Variants in ITPR1 observed in about 807,000 individuals in gnomAD.
ITPR1 encodes the protein inositol 1,4,5-trisphosphate-gated calcium channel ITPR1.
In ITPR1, 96 loss-of-function variants were observed where a neutral mutation model predicts 318.4. The ratio of observed to expected loss-of-function variants is 0.30; its 90% CI spans 0.26 to 0.36. The LOEUF is 0.36. Among genes scored for constraint, ITPR1 ranks in the 10% least tolerant of loss-of-function variants. ITPR1 has a pLI of 1.00. For missense variants in ITPR1, 2,440 were observed against 3,460.2 expected (o/e 0.71, Z 7.40); for synonymous variants, 1,312 against 1,289.9 (o/e 1.02, Z -0.37).
At chr3:4,495,093 C>G (rs1382102942) in intron 2 of ITPR1, among the ~76,000 whole-genome samples, 1 of 152,126 alleles carries the variant, frequency 6.6e-6, no homozygotes, top group African/African-American at 2.4e-5. Flanking sequence ...TTTTGGGGCC[C>G]GTGGTGGAAT....
intron 12 of ITPR1, among the ~76,000 whole-genome samples, chr3:4,656,216 G>T (rs1414665010): frequency 6.6e-6 from 1 of 152,192 alleles, no homozygotes; most frequent in African/African-American, 2.4e-5. Flanking sequence ...CTGCCTCTCA[G>T]TCACTTTTCC....
intron 32 of ITPR1, among the ~76,000 whole-genome samples, chr3:4,692,030 C>G (rs1176362477): frequency 6.6e-6 from 1 of 151,914 alleles, no homozygotes; most frequent in Non-Finnish European, 1.5e-5. Context: ...GGCATGTGCC[C>G]ATAATCCCAG....
chr3:4,657,029 T>C (rs1481070606), intron 12 of ITPR1, among the ~76,000 whole-genome samples: 2 of 152,224 alleles, frequency 1.3e-5, no homozygotes, highest in Non-Finnish European at 2.9e-5. Flanking sequence ...TTTTCATCAT[T>C]GTTCCTCAGC....
chr3:4,814,996 C>T (rs940087879), intron 58 of ITPR1, 57 bp from the exon 59 acceptor site: 1 of 1,457,388 alleles, frequency 6.9e-7, no homozygotes, highest in South Asian at 1.4e-5. Flanking sequence ...GCCCCAGGCT[C>T]CGCAGACCAA....
At chr3:4,623,505 A>C (rs534749636) in intron 4 of ITPR1, among the ~76,000 whole-genome samples, 1 of 152,324 alleles carries the variant, frequency 6.6e-6, no homozygotes, top group African/African-American at 2.4e-5. Flanking sequence ...GTGTGCATGC[A>C]TGCATACGCA....
At chr3:4,720,299 C>G (rs535529178) in intron 40 of ITPR1, among the ~76,000 whole-genome samples, 1 of 152,288 alleles carries the variant, frequency 6.6e-6, no homozygotes, top group African/African-American at 2.4e-5. Flanking sequence ...AAAGGAGAAG[C>G]TCATGGAATC....
At chr3:4,597,745 C>A (rs997471384) in intron 4 of ITPR1, among the ~76,000 whole-genome samples, 1 of 152,210 alleles carries the variant, frequency 6.6e-6, no homozygotes, top group Non-Finnish European at 1.5e-5. Context: ...GATCTGGAAA[C>A]TGCAACCTGG....
chr3:4,573,709 G>A (rs564965389), intron 4 of ITPR1, among the ~76,000 whole-genome samples: 94 of 152,174 alleles, frequency 6.2e-4, no homozygotes, highest in Non-Finnish European at 1.3e-3. Context: ...TCCTCCACCT[G>A]GGTGTCTGTA....
chr3:4,664,054 A>G (rs892154357), intron 16 of ITPR1, among the ~76,000 whole-genome samples: 1 of 152,258 alleles, frequency 6.6e-6, no homozygotes, highest in East Asian at 1.9e-4. Context: ...AGGAACCTCA[A>G]GAAACATTCA....
chr3:4,711,040 T>C (rs6781893), intron 38 of ITPR1, among the ~76,000 whole-genome samples: 110,359 of 151,480 alleles, frequency 0.73, 40,928 homozygotes, highest in East Asian at 0.86. Context: ...GGTGAAACCC[T>C]ATCTTGACTA....
rs2049753159 is a variant in ITPR1 at position 4,821,978 on chromosome 3, G to A, written c.8028+3736G>A. On this transcript the variant is annotated intron_variant, in intron 60 of 61. Coordinates refer to ENST00000649015, the MANE Select transcript of ITPR1 (RefSeq NM_001378452.1). ...TGGAGATGGGAGTATCCCCCTCAAA[G>A]CTGGGGCCAGGCTGATGCCTACTAT... 2.0e-5 allele frequency among the ~76,000 whole-genome samples: 3 copies of A among 152,206 alleles called. 1 individual carries two copies. The South Asian group carries it at 6.2e-4, about 32-fold the overall frequency.
At chr3:4,559,030 T>C (rs2086417981) in intron 4 of ITPR1, among the ~76,000 whole-genome samples, 1 of 152,120 alleles carries the variant, frequency 6.6e-6, no homozygotes, top group Non-Finnish European at 1.5e-5. Context: ...TTATTAGTAG[T>C]AGTATTATTT....
At chr3:4,506,763 T>C (rs2081422810) in intron 2 of ITPR1, among the ~76,000 whole-genome samples, 1 of 152,216 alleles carries the variant, frequency 6.6e-6, no homozygotes, top group Admixed American at 6.5e-5. Context: ...TTTTATATTT[T>C]GCATTTTCAT....
At chr3:4,547,493 C>T (rs1368508045) in intron 4 of ITPR1, among the ~76,000 whole-genome samples, 1 of 152,186 alleles carries the variant, frequency 6.6e-6, no homozygotes, top group Admixed American at 6.5e-5. Flanking sequence ...GTATCCAGGC[C>T]TCTATGGCTT....
At chr3:4,638,799 T>C (rs765782915) in intron 5 of ITPR1, among the ~76,000 whole-genome samples, 1 of 152,148 alleles carries the variant, frequency 6.6e-6, no homozygotes, top group African/African-American at 2.4e-5. Context: ...ATAAAATTGA[T>C]TACATTATGA....
intron 44 of ITPR1, among the ~76,000 whole-genome samples, chr3:4,753,735 G>C (rs2044726277): frequency 6.6e-6 from 1 of 152,072 alleles, no homozygotes; most frequent in Admixed American, 6.5e-5. Flanking sequence ...ATTTTTTTCG[G>C]CTTCTATGGC....
At position 4,787,997 on chromosome 3, in the gene ITPR1, C is replaced by G; in HGVS notation, c.6666C>G (p.Ser2222Arg). ...AACAGATAGTCTTTCCCGTGCCCAG[C>G]ATATGTGAATTCCTAACCAAGGAGT... ...TMEQIVFPVP[S>R]ICEFLTKESK... Residue 2222 changes from serine to arginine, a missense_variant, in exon 52 of 62, where the codon AGC becomes AGG. Physicochemically the swap from Ser to Arg is moderately radical, Grantham distance 110. Around this residue, in one of 23 missense-constraint regions of ITPR1, gnomAD observed 115 missense variants for 204.5 expected, o/e 0.56. Transcript: ENST00000649015. 6.2e-7 allele frequency: 1 copy of G among 1,612,840 alleles called. No homozygotes were observed. The highest frequency in any genetic ancestry group is 1.7e-5 in the Admixed American group (1 of 59,956).
chr3:4,732,285 A>T (rs987689640), intron 42 of ITPR1, among the ~76,000 whole-genome samples: 2 of 152,156 alleles, frequency 1.3e-5, no homozygotes, highest in Non-Finnish European at 2.9e-5. Context: ...TTATATTTTT[A>T]AAAAATTTTA....
At chr3:4,735,456 G>T (rs1259750319) in intron 44 of ITPR1, 102 bp downstream of exon 44, 22 of 961,496 alleles carry the variant, frequency 2.3e-5, no homozygotes, top group Non-Finnish European at 3.1e-5. Context: ...TTGTTTGAGA[G>T]ACAGCTCATT....
Sources: allele counts gnomAD v4.1 joint callset (sites outside exome capture counted in the v4.1 genomes callset), GRCh38; gene constraint gnomAD v4.1.1; regional missense constraint gnomAD v4.1.1; transcripts MANE v1.5; gene names NCBI Gene and HGNC (gene_info 2026-07-23, HGNC 2026-07-21).